Variants in AGO2 observed in about 807,000 individuals in gnomAD.
The protein encoded by AGO2 is argonaute RISC catalytic component 2, also known as protein argonaute-2.
AGO2 carries 5 observed loss-of-function variants against 102.3 expected under a neutral mutation model. The observed-to-expected ratio is 0.05, with a 90% CI of 0.03 to 0.10. The LOEUF (loss-of-function observed/expected upper bound fraction) is 0.10, where lower values mean the gene tolerates loss of function less well. Among genes scored for constraint, AGO2 ranks in the 10% least tolerant of loss-of-function variants. AGO2 has a pLI of 1.00. For synonymous variants in AGO2, 449 were observed against 473.1 expected, an observed-to-expected ratio of 0.95 and a Z score of 0.66; for missense variants, 541 against 1,183.7, an observed-to-expected ratio of 0.46 and a Z score of 7.97.
chr8:140,534,674 G>C (rs117426457), intron 17 of AGO2, among the ~76,000 whole-genome samples: 394 of 152,342 alleles, frequency 2.6e-3, no homozygotes, highest in Non-Finnish European at 4.4e-3. Context: ...TACGTACAAA[G>C]TTCATAGCAA....
the AGO2 span, among the ~76,000 whole-genome samples, chr8:140,641,708 C>T: frequency 3.3e-5 from 5 of 152,298 alleles, no homozygotes; most frequent in East Asian, 1.9e-4. Context: ...CTCAGCCCCC[C>T]GAGTAGCTGG....
rs373873920 is a variant in AGO2 at position 140,534,492 on chromosome 8, G to A, written c.2271+976C>T. On this transcript the variant is annotated intron_variant, in intron 17 of 18. Coordinates refer to ENST00000220592, the MANE Select transcript of AGO2 (RefSeq NM_012154.5). ...CCAGGAAGTGCCACAAACCCTGCAC[G>A]CACTCCATCGCCTGCTTCTCAACAA... Among the ~76,000 whole-genome samples the A allele has an allele frequency of 4.6e-5, 7 of 152,300 alleles. No homozygotes were observed. In the South Asian group the frequency reaches 1.5e-3, roughly 32 times the overall value.
At position 140,531,052 on chromosome 8, in the gene AGO2, A is replaced by T. The variant is rs1312277227; in HGVS notation, c.*992T>A. 2 of 152,286 alleles carry T rather than the reference A, an allele frequency of 1.3e-5. No individual in the cohort carries two copies. The highest frequency in any genetic ancestry group is 2.9e-5 in the Non-Finnish European group (2 of 68,060). The allele number at this position is 152,286 out of a possible 1,614,324, so 9.4% of individuals were successfully genotyped here. ...ATATTCCTGTCCTTAAGCACTAAGA[A>T]CTGAGAGGCGGTCCCATCTCCAGGC... On this transcript the variant is annotated 3_prime_UTR_variant, in exon 19 of 19. Coordinates refer to ENST00000220592, the MANE Select transcript of AGO2 (RefSeq NM_012154.5).
chr8:140,634,313 G>C (rs73364345), intron 1 of AGO2, among the ~76,000 whole-genome samples: 4 of 152,278 alleles, frequency 2.6e-5, no homozygotes, highest in Non-Finnish European at 4.4e-5. Flanking sequence ...GGGCCTTCCG[G>C]ACCCCACAAT....
At chr8:140,604,387 C>T (rs533702151) in intron 1 of AGO2, among the ~76,000 whole-genome samples, 8 of 152,288 alleles carry the variant, frequency 5.3e-5, no homozygotes, top group African/African-American at 1.2e-4. Context: ...GATTCAAACA[C>T]AGCAACAATA....
At chr8:140,611,057 C>T (rs60130173) in intron 1 of AGO2, among the ~76,000 whole-genome samples, 6,059 of 152,274 alleles carry the variant, frequency 0.04, 336 homozygotes, top group African/African-American at 0.13. Flanking sequence ...TCTGACTTAG[C>T]GGTTCTCTAA....
Position 140,532,034 on chromosome 8 carries a change from C to T in AGO2, c.*10G>A. ...CCACTCGGTACACAATCGCTAAACACTAAAACATGTCAAGCAAAGTACATG... is the reference window on the plus strand; with the variant it reads ...CCACTCGGTACACAATCGCTAAACATTAAAACATGTCAAGCAAAGTACATG... On this transcript the variant is annotated 3_prime_UTR_variant, in exon 19 of 19. Coordinates refer to ENST00000220592, the MANE Select transcript of AGO2 (RefSeq NM_012154.5). The T allele has an allele frequency of 1.2e-6, 2 of 1,613,422 alleles. No individual in the cohort carries two copies. The highest frequency in any genetic ancestry group is 2.2e-5 in the South Asian group (2 of 91,072).
At position 140,557,902 on chromosome 8, in the gene AGO2, A is replaced by G. The variant is rs1315769252; in HGVS notation, c.878+583T>C. Among the ~76,000 whole-genome samples, 1 of 152,206 alleles carries G rather than the reference A, an allele frequency of 6.6e-6. No individual in the cohort carries two copies. The highest frequency in any genetic ancestry group is 1.5e-5 in the Non-Finnish European group (1 of 68,026). The stretch of plus-strand genomic sequence containing the variant: ...TCCTTCTGCTCCCTCAGCCACGGGC[A>G]TCTTGGTACCTCCAGTGCCTGGCAA... On this transcript the variant is annotated intron_variant, in intron 7 of 18. Coordinates refer to ENST00000220592, the MANE Select transcript of AGO2 (RefSeq NM_012154.5). This position sits in a 1 kb window ranked among gnomAD's most constrained non-coding sequence, Gnocchi z 5.9.
At chr8:140,602,446 T>A (rs1005915972) in intron 1 of AGO2, among the ~76,000 whole-genome samples, 2 of 152,200 alleles carry the variant, frequency 1.3e-5, no homozygotes, top group Non-Finnish European at 2.9e-5. Context: ...CACTGTACAT[T>A]GTGAAAAGAA....
chr8:140,605,494 G>A (rs2133056949), intron 1 of AGO2, among the ~76,000 whole-genome samples: 1 of 152,356 alleles, frequency 6.6e-6, no homozygotes, highest in African/African-American at 2.4e-5. Context: ...ACAGACGGGG[G>A]TGCAGGGCTC....
chr8:140,520,746 A>G lies in AGO2; in HGVS notation c.*11298T>C, dbSNP rs1219106509. 1.3e-5 allele frequency: 2 copies of G among 152,190 alleles called. No individual in the cohort carries two copies. Among genetic ancestry groups the G allele is most frequent in the Non-Finnish European group, 2.9e-5 (2 of 68,036 alleles). The allele number at this position is 152,190 out of a possible 1,614,324, so 9.4% of individuals were successfully genotyped here. ...ATTTTTAACCTTGAGCTTAGAAATA[A>G]GTTATCCAACCTCTTGATGACATGG... On this transcript the variant is annotated 3_prime_UTR_variant, in exon 19 of 19. Coordinates refer to ENST00000220592, the MANE Select transcript of AGO2 (RefSeq NM_012154.5).
chr8:140,628,754 G>A (rs1183844955), intron 1 of AGO2, among the ~76,000 whole-genome samples: 1 of 151,354 alleles, frequency 6.6e-6, no homozygotes, highest in Non-Finnish European at 1.5e-5. Context: ...AACAGAGTGA[G>A]ACCCCACCTC....
At chr8:140,555,666 A>C in intron 10 of AGO2, 1 of 588,600 alleles carries the variant, frequency 1.7e-6, no homozygotes, top group Non-Finnish European at 2.7e-6. Flanking sequence ...ATGGGATAAT[A>C]AAAATTATCT....
intron 13 of AGO2, among the ~76,000 whole-genome samples, chr8:140,546,912 G>A (rs745987666): frequency 6.6e-6 from 1 of 152,238 alleles, no homozygotes; most frequent in South Asian, 2.1e-4. Context: ...AGGTGCCAGA[G>A]GAGGGTGCAG....
In AGO2 at chr8:140,585,164, T is replaced by C; in HGVS notation, c.170A>G (p.Tyr57Cys). ...MDIPKIDIYH[Y>C]ELDIKPEKCP... ...CTTCTCTGGCTTGATATCCAATTCA[T>C]AATGATAGATGTCAATTTTGGGGAT... Residue 57 changes from tyrosine to cysteine, a missense_variant, in exon 2 of 19, where the codon TAT becomes TGT. Around this residue, in one of 6 missense-constraint regions of AGO2, gnomAD observed 147 missense variants for 204.1 expected, o/e 0.72. Transcript: ENST00000220592. The C allele has an allele frequency of 6.2e-7, 1 of 1,614,212 alleles. No individual in the cohort carries two copies. Among genetic ancestry groups the C allele is most frequent in the Non-Finnish European group, 8.5e-7 (1 of 1,180,036 alleles).
intron 1 of AGO2, among the ~76,000 whole-genome samples, chr8:140,612,745 A>C (rs1170366576): frequency 6.6e-6 from 1 of 150,940 alleles, no homozygotes; most frequent in African/African-American, 2.4e-5. Flanking sequence ...AGACCCAAAA[A>C]ACTCGGTCTC....
At chr8:140,633,036 C>A (rs1184768299) in intron 1 of AGO2, among the ~76,000 whole-genome samples, 1 of 152,008 alleles carries the variant, frequency 6.6e-6, no homozygotes, top group Non-Finnish European at 1.5e-5. Context: ...CCTCAGCCTC[C>A]CGAGTAGCTG....
At chr8:140,532,237 C>A in intron 18 of AGO2, 85 bp from the exon 19 acceptor site, 3 of 1,446,930 alleles carry the variant, frequency 2.1e-6, no homozygotes, top group Non-Finnish European at 2.9e-6. Context: ...GTCGGGATGG[C>A]ATGGCGGGAA....
intron 1 of AGO2, chr8:140,591,648 G>A (rs1237385699): frequency 6.6e-6 from 1 of 152,168 alleles, no homozygotes; most frequent in Non-Finnish European, 1.5e-5. Context: ...TAAAATAAAT[G>A]TTTGTGGTTC....
Sources: allele counts gnomAD v4.1 joint callset (sites outside exome capture counted in the v4.1 genomes callset), GRCh38; gene constraint gnomAD v4.1.1; regional missense constraint gnomAD v4.1.1; non-coding constraint Gnocchi (gnomAD v3.1); transcripts MANE v1.5; gene names NCBI Gene and HGNC (gene_info 2026-07-23, HGNC 2026-07-21).